The following DSG1 variants were observed in gnomAD, a reference collection of about 807,000 sequenced individuals.
The protein encoded by DSG1 is desmoglein-1.
DSG1 carries 39 observed loss-of-function variants against 97.5 expected under a neutral mutation model. The ratio of observed to expected loss-of-function variants is 0.40; its 90% CI spans 0.31 to 0.52. DSG1 has a LOEUF of 0.52. DSG1 is among the 20% of genes least tolerant of loss of function. The pLI is 0.53. For missense variants in DSG1, 1,311 were observed against 1,295.4 expected (o/e 1.01, Z -0.18); for synonymous variants, 475 against 443.4 (o/e 1.07, Z -0.90).
intron 1 of DSG1, among the ~76,000 whole-genome samples, chr18:31,322,980 T>C (rs906435294): frequency 2.0e-5 from 3 of 152,290 alleles, no homozygotes; most frequent in Non-Finnish European, 2.9e-5. Flanking sequence ...CATAAATGGA[T>C]TGGTTCCTAA....
At chr18:31,332,604 A>G (rs9950209) in intron 6 of DSG1, among the ~76,000 whole-genome samples, 62,951 of 151,952 alleles carry the variant, frequency 0.41, 14,267 homozygotes, top group Non-Finnish European at 0.5. Flanking sequence ...AGAATGTTGC[A>G]ACCTAAATGT....
At position 31,354,548 on chromosome 18, in the gene DSG1, C is replaced by T; in HGVS notation, c.2352C>T (p.Cys784=). 1.9e-6 allele frequency: 3 copies of T among 1,614,196 alleles called. No homozygotes were observed. Among genetic ancestry groups the T allele is most frequent in the Non-Finnish European group, 2.5e-6 (3 of 1,180,042 alleles). The change falls in exon 15 of 15, where the codon TGC becomes TGT. Residue 784 remains cysteine (C), a synonymous_variant. Coordinates refer to ENST00000257192, the MANE Select transcript of DSG1 (RefSeq NM_001942.4). ...CACCACAAAGCACTGAACCAGTTTG[C>T]CTTCCTCAGGAAACAGAGCCCGTTG... The part of the protein sequence containing the change: ...SWPPQSTEPV[C]LPQETEPVVS...
At chr18:31,318,700 G>A (rs1292135595) in intron 1 of DSG1, among the ~76,000 whole-genome samples, 1 of 150,742 alleles carries the variant, frequency 6.6e-6, no homozygotes, top group African/African-American at 2.4e-5. Context: ...AATATCACAA[G>A]TGTGTCTGGA....
Position 31,355,652 on chromosome 18 carries a change from C to G in DSG1, c.*306C>G. On this transcript the variant is annotated 3_prime_UTR_variant, in exon 15 of 15. Transcript: ENST00000257192. ...CTGGCCTTACGATGGCAATTGGCATCATTCTCCTTGCTCTGTTTTGCTTTT... is the reference window on the plus strand; with the variant it reads ...CTGGCCTTACGATGGCAATTGGCATGATTCTCCTTGCTCTGTTTTGCTTTT... 1 of 390,844 alleles carries G rather than the reference C, an allele frequency of 2.6e-6. No individual in the cohort carries two copies. The highest frequency in any genetic ancestry group is 4.8e-6 in the Non-Finnish European group (1 of 210,138). 24.2% of individuals were successfully genotyped at this position (390,844 alleles called of 1,614,324 possible).
chr18:31,323,654 A>G (rs1237647905), intron 1 of DSG1, among the ~76,000 whole-genome samples: 1 of 152,140 alleles, frequency 6.6e-6, no homozygotes, highest in Non-Finnish European at 1.5e-5. Context: ...AAAAAATGCT[A>G]CTATCTTGTC....
chr18:31,354,227 G>A, intron 14 of DSG1, 70 bp from the exon 15 acceptor site: 1 of 1,381,470 alleles, frequency 7.2e-7, no homozygotes, highest in Non-Finnish European at 1.0e-6. Flanking sequence ...AAAAACTAAT[G>A]ATAAAGGCTG....
chr18:31,331,178 A>G (rs2144092848), intron 5 of DSG1, among the ~76,000 whole-genome samples: 1 of 152,264 alleles, frequency 6.6e-6, no homozygotes, highest in Admixed American at 6.5e-5. Context: ...CACCCAAAAC[A>G]AAACAGTAGT....
At chr18:31,326,682 G>A (rs2144087530) in intron 2 of DSG1, 66 bp downstream of exon 2, 8 of 1,427,090 alleles carry the variant, frequency 5.6e-6, no homozygotes, top group Non-Finnish European at 6.9e-6. Context: ...ATAACAATAT[G>A]TTTTCTGAAG....
intron 12 of DSG1, 81 bp downstream of exon 12, chr18:31,343,664 ACTCACAGTCTATG>A: frequency 1.3e-6 from 2 of 1,591,108 alleles, no homozygotes; most frequent in Non-Finnish European, 1.7e-6. Flanking sequence ...GGCCGCCATC[ACTCACAGTCTATG>A]CTGTTTTTTG....
At chr18:31,324,724 G>C (rs906259640) in intron 1 of DSG1, among the ~76,000 whole-genome samples, 1 of 152,034 alleles carries the variant, frequency 6.6e-6, no homozygotes, top group Admixed American at 6.6e-5. Flanking sequence ...CATTCCCTCT[G>C]TCTCTGCTCC....
intron 9 of DSG1, among the ~76,000 whole-genome samples, chr18:31,336,827 T>C (rs965643653): frequency 6.6e-6 from 1 of 152,200 alleles, no homozygotes; most frequent in Non-Finnish European, 1.5e-5. Context: ...ACTGTAAAGA[T>C]GTGATATGTG....
chr18:31,329,938 C>T lies in DSG1; in HGVS notation c.419C>T (p.Pro140Leu). 1 of 1,613,286 alleles carries T rather than the reference C, an allele frequency of 6.2e-7. No individual in the cohort carries two copies. The highest frequency in any genetic ancestry group is 8.5e-7 in the Non-Finnish European group (1 of 1,179,390). ...LNSMGQDLER[P>L]LELRVRVLDI... ...TCAATGGGCCAAGATTTAGAGAGGC[C>T]TCTAGAGCTCAGAGTCAGGGTTTTG... is the stretch of plus-strand genomic sequence containing the variant. Residue 140 changes from proline to leucine, a missense_variant, in exon 5 of 15, where the codon CCT becomes CTT. Physicochemically the swap from Pro to Leu is moderately conservative, Grantham distance 98 (BLOSUM62 -3). Around this residue, in one of 3 missense-constraint regions of DSG1, gnomAD observed 259 missense variants for 304.1 expected, o/e 0.85. Coordinates refer to ENST00000257192, the MANE Select transcript of DSG1 (RefSeq NM_001942.4).
chr18:31,354,819 G>A lies in DSG1; in HGVS notation c.2623G>A (p.Ala875Thr), dbSNP rs376868157. Residue 875 changes from alanine to threonine, a missense_variant, in exon 15 of 15, where the codon GCT becomes ACT. Physicochemically the swap from Ala to Thr is moderately conservative, Grantham distance 58. Transcript: ENST00000257192. ...TERVVGPISG[A>T]DLHGMLEMPD... is the part of the protein sequence containing the mutation. Reference sequence around the variant, plus strand: ...GAGAGTGGTCGGCCCAATCTCTGGCGCTGATTTGCATGGAATGTTAGAGAT... The same window carrying A: ...GAGAGTGGTCGGCCCAATCTCTGGCACTGATTTGCATGGAATGTTAGAGAT... 9.1e-5 allele frequency: 147 copies of A among 1,614,104 alleles called. No individual in the cohort carries two copies. Among genetic ancestry groups the A allele is most frequent in the Non-Finnish European group, 1.1e-4 (131 of 1,180,006 alleles).
chr18:31,326,651 A>G, intron 2 of DSG1, 35 bp downstream of exon 2: 1 of 1,538,154 alleles, frequency 6.5e-7, no homozygotes, highest in African/African-American at 1.4e-5. Context: ...CCAAATTTTT[A>G]AACAAGAAAA....
Position 31,359,020 on chromosome 18 carries a change from G to C in DSG1, c.*3674G>C, listed in dbSNP as rs765443039. ...TTACTAAATGCTTTATCGTCAAACT[G>C]TACCTAGTCTAACTTATTTTTCTTT... is the stretch of plus-strand genomic sequence containing the variant. On this transcript the variant is annotated 3_prime_UTR_variant, in exon 15 of 15. Coordinates refer to ENST00000257192, the MANE Select transcript of DSG1 (RefSeq NM_001942.4). Among the ~76,000 whole-genome samples the C allele has an allele frequency of 2.0e-5, 3 of 152,098 alleles. No individual in the cohort carries two copies. Among genetic ancestry groups the C allele is most frequent in the African/African-American group, 7.2e-5 (3 of 41,438 alleles).
chr18:31,328,892 T>C lies in DSG1; in HGVS notation c.372+548T>C, dbSNP rs555138712. Among the ~76,000 whole-genome samples the C allele has an allele frequency of 2.6e-5, 4 of 152,274 alleles. No homozygotes were observed. In the South Asian group the frequency reaches 8.3e-4, roughly 32 times the overall value. ...TGCACCTTGAAAATGCATCCATTCT[T>C]AAGTGAATCTCACTCCATTCTTTAC... is the stretch of plus-strand genomic sequence containing the variant. On this transcript the variant is annotated intron_variant, in intron 4 of 14. Coordinates refer to ENST00000257192, the MANE Select transcript of DSG1 (RefSeq NM_001942.4).
In DSG1 at chr18:31,352,461, T is replaced by C. The variant is rs974431108; in HGVS notation, c.2101-1836T>C. Among the ~76,000 whole-genome samples, 292 of 150,738 alleles carry C rather than the reference T, an allele frequency of 1.9e-3. 4 individuals are homozygous for C. The highest frequency in any genetic ancestry group is 6.6e-3 in the African/African-American group (263 of 40,024). On this transcript the variant is annotated intron_variant, in intron 14 of 14. Coordinates refer to ENST00000257192, the MANE Select transcript of DSG1 (RefSeq NM_001942.4). ...CAATTATGTGTCTTGGAGTTGCTCT[T>C]CTCGAGGAGTATCTTTGTGGCATTC...
rs1013317438 is a variant in DSG1, at chr18:31,358,313, T to C, written c.*2967T>C. Among the ~76,000 whole-genome samples, 2 of 152,012 alleles carry C rather than the reference T, an allele frequency of 1.3e-5. No homozygotes were observed. Among genetic ancestry groups the C allele is most frequent in the African/African-American group, 4.8e-5 (2 of 41,450 alleles). On this transcript the variant is annotated 3_prime_UTR_variant, in exon 15 of 15. Coordinates refer to ENST00000257192, the MANE Select transcript of DSG1 (RefSeq NM_001942.4). ...TAATTTTGACACTGAATTACAGATATATCTGCTACATATTATTTACTTCTA... is the reference window on the plus strand; with the variant it reads ...TAATTTTGACACTGAATTACAGATACATCTGCTACATATTATTTACTTCTA...
intron 7 of DSG1, 132 bp from the exon 8 acceptor site, chr18:31,333,885 G>A: frequency 1.7e-6 from 2 of 1,154,446 alleles, no homozygotes; most frequent in Non-Finnish European, 2.6e-6. Flanking sequence ...ATGGAGTTAA[G>A]CAATGAAAAA....
Sources: gnomAD v4.1 joint callset for allele counts (sites outside exome capture counted in the v4.1 genomes callset) on GRCh38, gnomAD v4.1.1 for gene constraint, gnomAD v4.1.1 regional missense constraint, MANE v1.5 for transcripts, NCBI Gene and HGNC (gene_info 2026-07-23, HGNC 2026-07-21) for gene names.